Variants in GRIP2 observed in about 807,000 individuals in gnomAD.
GRIP2 encodes glutamate receptor-interacting protein 2.
In GRIP2, 58 loss-of-function variants were observed where a neutral mutation model predicts 108.3. The observed-to-expected ratio is 0.54, with a 90% CI of 0.43 to 0.67. The LOEUF (loss-of-function observed/expected upper bound fraction) is 0.67, where lower values mean the gene tolerates loss of function less well. Among genes scored for constraint, GRIP2 ranks in the 30% least tolerant of loss-of-function variants. The pLI, the probability that GRIP2 is intolerant of heterozygous loss-of-function variation, is 0.00. For synonymous variants in GRIP2, 586 were observed against 598.2 expected (o/e 0.98, Z 0.30); for missense variants, 1,278 against 1,430.6 (o/e 0.89, Z 1.72).
intron 5 of GRIP2, chr3:14,523,398 T>G (rs1694465574): frequency 5.1e-6 from 3 of 583,996 alleles, no homozygotes; most frequent in African/African-American, 1.9e-5. Flanking sequence ...ACCATCATTT[T>G]CCGGTACAAC....
chr3:14,495,012 G>T (rs1693547217), intron 22 of GRIP2, 23 bp from the exon 23 acceptor site: 1 of 1,611,934 alleles, frequency 6.2e-7, no homozygotes, highest in Non-Finnish European at 8.5e-7. Context: ...GGAGGAGGAG[G>T]TTCCTGGAAC....
intron 4 of GRIP2, 52 bp from the exon 5 acceptor site, chr3:14,523,750 G>C: frequency 8.2e-7 from 1 of 1,226,630 alleles, no homozygotes; most frequent in Non-Finnish European, 1.2e-6. Context: ...TCTCCAGGCC[G>C]GTAGATGTGC....
At chr3:14,513,630 G>A in intron 13 of GRIP2, 35 bp downstream of exon 13, 5 of 1,581,752 alleles carry the variant, frequency 3.2e-6, no homozygotes, top group Non-Finnish European at 4.3e-6. Context: ...GCAGGGCCCT[G>A]AAATATGAGG....
the GRIP2 span, among the ~76,000 whole-genome samples, chr3:14,602,876 C>A: frequency 1.3e-5 from 2 of 151,134 alleles, no homozygotes; most frequent in Non-Finnish European, 3.0e-5. The surrounding 1 kb of genome is among the most constrained non-coding windows in gnomAD (Gnocchi z 4.7). Flanking sequence ...GTCCGCCCTC[C>A]GCACCCCGCG....
upstream of GRIP2, chr3:14,540,468 G>A (rs897208400): frequency 1.1e-4 from 172 of 1,517,488 alleles, no homozygotes; most frequent in Admixed American, 1.0e-3. This position sits in a 1 kb window ranked among gnomAD's most constrained non-coding sequence, Gnocchi z 4.1. Flanking sequence ...TCTGCTTAAA[G>A]GGGACATGGC....
At chr3:14,545,083 C>G (rs1695037117), upstream of GRIP2, among the ~76,000 whole-genome samples, 1 of 152,238 alleles carries the variant, frequency 6.6e-6, no homozygotes, top group Non-Finnish European at 1.5e-5. Flanking sequence ...GAGGCTCCGA[C>G]AGCCGCAAGA....
At chr3:14,528,051 T>C (rs1694611599) in intron 1 of GRIP2, among the ~76,000 whole-genome samples, 1 of 152,216 alleles carries the variant, frequency 6.6e-6, no homozygotes, top group Non-Finnish European at 1.5e-5. Context: ...CCCTTGATGT[T>C]CTACTGTAGT....
the GRIP2 span, among the ~76,000 whole-genome samples, chr3:14,564,985 C>T: frequency 1.4e-4 from 21 of 152,346 alleles, no homozygotes; most frequent in African/African-American, 4.8e-4. Flanking sequence ...ATAGAGCAAA[C>T]ACAGCACCCC....
At chr3:14,584,138 A>G in the GRIP2 span, among the ~76,000 whole-genome samples, 2 of 152,324 alleles carry the variant, frequency 1.3e-5, no homozygotes, top group South Asian at 4.1e-4. Flanking sequence ...TGAGGGGAGT[A>G]GCTCAGCTCA....
chr3:14,582,617 G>T, the GRIP2 span, among the ~76,000 whole-genome samples: 1 of 152,180 alleles, frequency 6.6e-6, no homozygotes, highest in African/African-American at 2.4e-5. Flanking sequence ...AGCCACCCTT[G>T]TCTTCCCTGA....
At chr3:14,575,109 G>T in the GRIP2 span, among the ~76,000 whole-genome samples, 1 of 152,146 alleles carries the variant, frequency 6.6e-6, no homozygotes, top group Non-Finnish European at 1.5e-5. Flanking sequence ...ATCTTCTAAG[G>T]GGATGGCAAT....
At chr3:14,494,562 C>T (rs560230789) in intron 23 of GRIP2, among the ~76,000 whole-genome samples, 40 of 152,324 alleles carry the variant, frequency 2.6e-4, no homozygotes, top group Non-Finnish European at 4.7e-4. Flanking sequence ...GAGGAGGCCA[C>T]GTGTCTCAGA....
chr3:14,569,430 G>C, the GRIP2 span, among the ~76,000 whole-genome samples: 1 of 152,314 alleles, frequency 6.6e-6, no homozygotes, highest in Admixed American at 6.5e-5. Context: ...CTAGTCCCCT[G>C]CCTTGGGGGA....
Position 14,496,432 on chromosome 3 carries a change from G to T in GRIP2, c.2808C>A (p.Pro936=). Residue 936 remains proline (P), a synonymous_variant, in exon 22 of 24, where the codon CCC becomes CCA. Transcript: ENST00000621039. The part of the protein sequence containing the change: ...AEMEELLLPT[P]LEMHKVTLHK... Reference sequence around the variant, plus strand: ...CTGTGCCTACCTTGTGCATCTCCAAGGGTGTAGGCAGCAACAGCTCCTCCA... The same window carrying T: ...CTGTGCCTACCTTGTGCATCTCCAATGGTGTAGGCAGCAACAGCTCCTCCA... The T allele has an allele frequency of 6.2e-7, 1 of 1,611,822 alleles. No homozygotes were observed.
the GRIP2 span, among the ~76,000 whole-genome samples, chr3:14,568,839 C>A: frequency 0.27 from 41,267 of 152,090 alleles, 6,120 homozygotes; most frequent in Middle Eastern, 0.36. Flanking sequence ...CTCAGCAAAC[C>A]ACCCCCATGG....
At chr3:14,575,949 C>T in the GRIP2 span, among the ~76,000 whole-genome samples, 13 of 152,236 alleles carry the variant, frequency 8.5e-5, no homozygotes, top group South Asian at 1.4e-3. Context: ...CTGGACGCCA[C>T]CCCATCACCA....
upstream of GRIP2, chr3:14,541,862 G>A (rs1320258583): frequency 3.8e-6 from 5 of 1,320,284 alleles, no homozygotes; most frequent in Non-Finnish European, 5.0e-6. Context: ...CAGGGACGGG[G>A]GTACACGCAC....
At chr3:14,569,566 G>A in the GRIP2 span, among the ~76,000 whole-genome samples, 1 of 152,176 alleles carries the variant, frequency 6.6e-6, no homozygotes, top group Non-Finnish European at 1.5e-5. Flanking sequence ...GGGTCCTGGG[G>A]GAGAGACCTG....
chr3:14,559,749 G>T (rs1352922862), upstream of GRIP2, among the ~76,000 whole-genome samples: 1 of 152,208 alleles, frequency 6.6e-6, no homozygotes, highest in African/African-American at 2.4e-5. Flanking sequence ...AACTGAGGAA[G>T]ACATGGTCCC....
Sources: gnomAD v4.1 joint callset for allele counts (sites outside exome capture counted in the v4.1 genomes callset) on GRCh38, gnomAD v4.1.1 for gene constraint, Gnocchi (gnomAD v3.1) non-coding constraint, MANE v1.5 for transcripts, NCBI Gene and HGNC (gene_info 2026-07-23, HGNC 2026-07-21) for gene names.